The following SOX6 variants were observed in gnomAD, a reference collection of about 807,000 sequenced individuals.
SOX6 encodes SRY-box transcription factor 6.
SOX6 carries 11 observed loss-of-function variants against 97.8 expected under a neutral mutation model. The observed-to-expected ratio is 0.11, with a 90% CI of 0.07 to 0.19. The LOEUF is 0.19. Among genes scored for constraint, SOX6 ranks in the 10% least tolerant of loss-of-function variants. The pLI is 1.00. For missense variants in SOX6, 810 were observed against 1,039.5 expected (o/e 0.78, Z 3.04); for synonymous variants, 360 against 371.4 (o/e 0.97, Z 0.35).
At chr11:16,057,735 T>C (rs1312202498) in intron 9 of SOX6, among the ~76,000 whole-genome samples, 1 of 152,176 alleles carries the variant, frequency 6.6e-6, no homozygotes, top group Non-Finnish European at 1.5e-5. Context: ...GGAACTAATA[T>C]TCTTCTCACT....
At chr11:16,362,875 A>C (rs1857245250) in intron 1 of SOX6, among the ~76,000 whole-genome samples, 1 of 152,208 alleles carries the variant, frequency 6.6e-6, no homozygotes, top group African/African-American at 2.4e-5. Flanking sequence ...TTGCAGAGGC[A>C]GCCACTGTGA....
chr11:16,382,321 C>G (rs962800310), intron 1 of SOX6: 1 of 151,938 alleles, frequency 6.6e-6, no homozygotes, highest in African/African-American at 2.4e-5. Flanking sequence ...TGCCTTTGTC[C>G]TTTGGTGGCC....
intron 6 of SOX6, among the ~76,000 whole-genome samples, chr11:16,162,590 C>T (rs1386343000): frequency 6.6e-6 from 1 of 152,164 alleles, no homozygotes; most frequent in East Asian, 1.9e-4. Context: ...CCAGCTCCAC[C>T]TTTGACTTCC....
intron 1 of SOX6, among the ~76,000 whole-genome samples, chr11:16,349,499 C>A (rs2134354581): frequency 6.6e-6 from 1 of 152,016 alleles, no homozygotes; most frequent in East Asian, 1.9e-4. Flanking sequence ...GCCTGTAATC[C>A]CAGCTCTGCA....
At chr11:16,100,401 G>A (rs906683114) in intron 7 of SOX6, among the ~76,000 whole-genome samples, 5 of 151,714 alleles carry the variant, frequency 3.3e-5, no homozygotes, top group African/African-American at 1.2e-4. Context: ...GAGAAATAAT[G>A]TCCATTCTGT....
chr11:16,234,005 C>CAAAAAA (rs751876773), intron 4 of SOX6, among the ~76,000 whole-genome samples: 2 of 55,890 alleles, frequency 3.6e-5, no homozygotes, highest in African/African-American at 5.9e-5. Context: ...GACTGCATCT[C>CAAAAAA]AAAAAAAAAA....
intron 4 of SOX6, among the ~76,000 whole-genome samples, chr11:16,559,114 T>C (rs989785921): frequency 6.6e-6 from 1 of 152,026 alleles, no homozygotes; most frequent in African/African-American, 2.4e-5. Flanking sequence ...GTTAATGAAC[T>C]TGCTGTATGA....
intron 1 of SOX6, among the ~76,000 whole-genome samples, chr11:16,373,225 CA>C (rs1466185913): frequency 6.6e-6 from 1 of 152,038 alleles, no homozygotes; most frequent in Non-Finnish European, 1.5e-5. Flanking sequence ...CCTTCACAGG[CA>C]GAATGACAAC....
chr11:16,308,509 G>A (rs1457966393), intron 3 of SOX6, among the ~76,000 whole-genome samples: 1 of 152,146 alleles, frequency 6.6e-6, no homozygotes, highest in Non-Finnish European at 1.5e-5. Context: ...GCCAATATCT[G>A]TAAGGATTCT....
Position 16,646,442 on chromosome 11 carries a change from A to G in SOX6, n.430-34182T>C, listed in dbSNP as rs987921218. ...TCTAATTTTGTGTCTTAGGTTTATC[A>G]TCCTTTCGTAAGTTTTTTTATTTTC... On this transcript the variant is annotated intron_variant and non_coding_transcript_variant, in intron 3 of 5. Transcript: ENST00000524520. The G allele has an allele frequency of 1.8e-4, 27 of 149,858 alleles. 1 individual carries two copies. The highest frequency in any genetic ancestry group is 6.1e-4 in the African/African-American group (25 of 41,086). 9.3% of individuals were successfully genotyped at this position (149,858 alleles called of 1,614,324 possible). A position where few individuals can be genotyped will look rare whatever the true frequency, so the allele number is the denominator to read the frequency against.
chr11:16,371,828 T>A (rs2134393766), intron 1 of SOX6, among the ~76,000 whole-genome samples: 1 of 152,300 alleles, frequency 6.6e-6, no homozygotes, highest in South Asian at 2.1e-4. Context: ...ATTTTCTACT[T>A]CTGGCATCAT....
At chr11:15,979,814 AT>A (rs1853608221) in intron 15 of SOX6, among the ~76,000 whole-genome samples, 1 of 151,992 alleles carries the variant, frequency 6.6e-6, no homozygotes, top group Non-Finnish European at 1.5e-5. Context: ...TGACTGCCCT[AT>A]TTAAAATTGC....
chr11:16,599,160 G>C (rs989695679), intron 4 of SOX6, among the ~76,000 whole-genome samples: 3 of 152,048 alleles, frequency 2.0e-5, no homozygotes, highest in Non-Finnish European at 4.4e-5. Context: ...TATCACGTTA[G>C]GCTTCTTCAA....
chr11:16,163,858 C>T (rs1272384586), intron 6 of SOX6, among the ~76,000 whole-genome samples: 1 of 152,158 alleles, frequency 6.6e-6, no homozygotes, highest in African/African-American at 2.4e-5. Context: ...AAAGTTGGGG[C>T]ATTGACAGGT....
chr11:16,173,181 A>C (rs1851085606), intron 6 of SOX6, among the ~76,000 whole-genome samples: 1 of 152,068 alleles, frequency 6.6e-6, no homozygotes, highest in East Asian at 1.9e-4. Context: ...AGGCTCTTGA[A>C]GTTGGCATCC....
intron 1 of SOX6, among the ~76,000 whole-genome samples, chr11:16,413,821 A>C (rs895966382): frequency 2.6e-5 from 4 of 151,948 alleles, no homozygotes; most frequent in Admixed American, 6.6e-5. Flanking sequence ...CGCCCGGCCG[A>C]GTTCTACACT....
exon 3 of SOX6, chr11:16,714,834 G>C (rs1161273914): frequency 6.6e-6 from 1 of 152,070 alleles, no homozygotes; most frequent in Non-Finnish European, 1.5e-5. Flanking sequence ...AATTACCTCA[G>C]TATATATTGG....
At chr11:16,184,906 C>T (rs900396318) in intron 5 of SOX6, among the ~76,000 whole-genome samples, 3 of 138,668 alleles carry the variant, frequency 2.2e-5, no homozygotes, top group African/African-American at 8.2e-5. Flanking sequence ...GCACTCAGGA[C>T]TTTGTTTAGT....
intron 2 of SOX6, among the ~76,000 whole-genome samples, chr11:16,320,144 C>A (rs770981193): frequency 5.3e-5 from 8 of 152,000 alleles, no homozygotes; most frequent in Non-Finnish European, 8.8e-5. Context: ...TTGCATTCAC[C>A]TTTTATCTGT....
Sources: gnomAD v4.1 joint callset for allele counts (sites outside exome capture counted in the v4.1 genomes callset) on GRCh38, gnomAD v4.1.1 for gene constraint, MANE v1.5 for transcripts, NCBI Gene and HGNC (gene_info 2026-07-23, HGNC 2026-07-21) for gene names.